ADGRV1: variants seen among roughly 807,000 people sequenced by gnomAD.
The protein encoded by ADGRV1 is adhesion G protein-coupled receptor V1.
Under a neutral mutation model 596.2 loss-of-function variants are expected in ADGRV1, and 359 were observed. That is an observed-to-expected ratio of 0.60 (90% CI 0.55 to 0.66). ADGRV1 has a LOEUF of 0.66. Ranked by LOEUF, ADGRV1 falls within the 30% of genes least tolerant of loss-of-function variation. The probability of loss-of-function intolerance (pLI) is 0.00; values close to 1 mark genes in which losing one functional copy is unlikely to be tolerated. For missense variants in ADGRV1, 7,274 were observed against 7,575.6 expected (o/e 0.96, Z 1.48); for synonymous variants, 2,681 against 2,679.2 (o/e 1.00, Z -0.02).
chr5:90,915,629 A>G (rs561189567), intron 83 of ADGRV1, among the ~76,000 whole-genome samples: 2 of 152,256 alleles, frequency 1.3e-5, no homozygotes, highest in African/African-American at 4.8e-5. Context: ...ATACACATCA[A>G]GTTCTAAAAT....
intron 1 of ADGRV1, among the ~76,000 whole-genome samples, chr5:90,572,599 A>G (rs1020183170): frequency 5.3e-5 from 8 of 152,214 alleles, no homozygotes; most frequent in African/African-American, 1.7e-4. Context: ...TCTATTCAAT[A>G]AATGGTGTTG....
chr5:90,796,996 G>A (rs540374604), intron 70 of ADGRV1, among the ~76,000 whole-genome samples: 7 of 151,996 alleles, frequency 4.6e-5, no homozygotes, highest in African/African-American at 7.2e-5. Context: ...AAGTAAAACC[G>A]GTACCAGCCA....
At chr5:90,907,863 G>A (rs968792762) in intron 83 of ADGRV1, among the ~76,000 whole-genome samples, 1 of 151,932 alleles carries the variant, frequency 6.6e-6, no homozygotes, top group South Asian at 2.1e-4. Context: ...ATTATTTTTT[G>A]TTTTTGAAAT....
At chr5:91,066,982 C>G (rs1787936715) in intron 85 of ADGRV1, among the ~76,000 whole-genome samples, 4 of 152,084 alleles carry the variant, frequency 2.6e-5, no homozygotes, top group Admixed American at 6.5e-5. Flanking sequence ...AGTAGGTACT[C>G]TCAGGGGCCT....
intron 50 of ADGRV1, among the ~76,000 whole-genome samples, chr5:90,737,011 G>T (rs1753322792): frequency 1.3e-5 from 2 of 150,776 alleles, no homozygotes; most frequent in African/African-American, 4.9e-5. Flanking sequence ...GGCTTAGTTT[G>T]TTCTTTTTCT....
intron 87 of ADGRV1, among the ~76,000 whole-genome samples, chr5:91,113,678 G>C (rs1332667844): frequency 6.6e-6 from 1 of 152,136 alleles, no homozygotes; most frequent in Non-Finnish European, 1.5e-5. Context: ...CAGCACTTTG[G>C]GAGGCCGAGG....
intron 15 of ADGRV1, among the ~76,000 whole-genome samples, 163 bp from the exon 16 acceptor site, chr5:90,645,805 T>C (rs1423855553): frequency 6.6e-6 from 1 of 152,150 alleles, no homozygotes; most frequent in Non-Finnish European, 1.5e-5. Context: ...TGGGGGGGTC[T>C]GAGTCTTACC....
chr5:90,692,933 A>T, intron 32 of ADGRV1, 147 bp downstream of exon 32: 1 of 598,258 alleles, frequency 1.7e-6, no homozygotes, highest in Non-Finnish European at 2.8e-6. Context: ...GTGTTAACTG[A>T]ATTATGCTTA....
intron 1 of ADGRV1, among the ~76,000 whole-genome samples, chr5:90,575,832 C>T (rs1424067101): frequency 6.6e-6 from 1 of 152,134 alleles, no homozygotes; most frequent in Admixed American, 6.5e-5. Context: ...CTCCTAGGCA[C>T]AGAACACCAT....
chr5:90,586,532 T>G (rs902057331), intron 1 of ADGRV1, among the ~76,000 whole-genome samples: 2 of 152,238 alleles, frequency 1.3e-5, no homozygotes, highest in Non-Finnish European at 2.9e-5. Flanking sequence ...TGTTCTGAAT[T>G]TGTTTGTTCT....
At chr5:90,838,245 AT>A (rs79081926) in intron 77 of ADGRV1, among the ~76,000 whole-genome samples, 29 of 149,344 alleles carry the variant, frequency 1.9e-4, no homozygotes, top group Admixed American at 3.3e-4. Context: ...GCATTCATTG[AT>A]TTTTTTTTTC....
intron 85 of ADGRV1, chr5:91,031,418 C>A (rs1401662673): frequency 2.3e-6 from 2 of 853,648 alleles, no homozygotes; most frequent in African/African-American, 1.7e-5. Context: ...CCTTCCTGTT[C>A]CCATGGCCAG....
intron 83 of ADGRV1, among the ~76,000 whole-genome samples, chr5:90,915,751 A>G (rs1453735833): frequency 6.6e-6 from 1 of 152,194 alleles, no homozygotes; most frequent in African/African-American, 2.4e-5. Flanking sequence ...GGCACGCTTC[A>G]TCATTAAACA....
At chr5:90,685,597 TATAAATAAATAAATAAATAA>T (rs138476984) in intron 28 of ADGRV1, among the ~76,000 whole-genome samples, 163 bp from the exon 29 acceptor site, 14 of 142,280 alleles carry the variant, frequency 9.8e-5, no homozygotes, top group Non-Finnish European at 1.4e-4. Flanking sequence ...AGTCCATCTC[TATAAATAAATAAATAAATAA>T]ATAAATAAAT....
Position 90,985,515 on chromosome 5 carries a change from G to C in ADGRV1, c.18145G>C (p.Gly6049Arg), listed in dbSNP as rs746007441. The change falls in exon 85 of 90, where the codon GGT becomes CGT. Residue 6049 changes from glycine (G) to arginine (R), a missense_variant. By Grantham distance (125) the Gly-to-Arg change is moderately radical. Around this residue, in one of 5 missense-constraint regions of ADGRV1, gnomAD observed 1,874 missense variants for 1,970.2 expected, o/e 0.95. Transcript: ENST00000405460. The stretch of plus-strand genomic sequence containing the variant: ...GTCACAGATCTATGGACTCATTCAT[G>C]GTGACCTGTAAGTACACCCAGGCAA... Reference protein sequence around the residue: ...SMSQIYGLIHGDLCFIPNVYA... With the variant: ...SMSQIYGLIHRDLCFIPNVYA... 1.9e-6 allele frequency: 3 copies of C among 1,613,232 alleles called. No homozygotes were observed. The highest frequency in any genetic ancestry group is 2.5e-6 in the Non-Finnish European group (3 of 1,179,316).
chr5:90,759,748 G>T, intron 58 of ADGRV1, 160 bp downstream of exon 58: 1 of 639,986 alleles, frequency 1.6e-6, no homozygotes, highest in Non-Finnish European at 2.8e-6. Context: ...GGCAGATCAC[G>T]AGGTCAGGAG....
At chr5:90,596,057 C>CTCCTCACTTCTCAGACGGGGCGG (rs1760491197) in intron 1 of ADGRV1, among the ~76,000 whole-genome samples, 1 of 149,906 alleles carries the variant, frequency 6.7e-6, no homozygotes, top group East Asian at 2.0e-4. Context: ...GGCGGAGGGT[C>CTCCTCACTTCTCAGACGGGGCGG]TCCTCACTTC....
intron 85 of ADGRV1, among the ~76,000 whole-genome samples, chr5:91,030,374 A>G (rs772668875): frequency 3.3e-5 from 5 of 152,126 alleles, no homozygotes; most frequent in Non-Finnish European, 7.4e-5. Context: ...AATTATGATA[A>G]CATAAAAAAT....
chr5:90,584,173 A>T (rs771268116), intron 1 of ADGRV1, among the ~76,000 whole-genome samples: 1 of 152,238 alleles, frequency 6.6e-6, no homozygotes, highest in Admixed American at 6.5e-5. Context: ...TAAAGCAGTT[A>T]AAACAGCATG....
Sources: gnomAD v4.1 joint callset for allele counts (sites outside exome capture counted in the v4.1 genomes callset) on GRCh38, gnomAD v4.1.1 for gene constraint, gnomAD v4.1.1 regional missense constraint, MANE v1.5 for transcripts, NCBI Gene and HGNC (gene_info 2026-07-23, HGNC 2026-07-21) for gene names.